The following DLG2 variants were observed in gnomAD, a reference collection of about 807,000 sequenced individuals.
DLG2 encodes the protein discs large MAGUK scaffold protein 2.
A neutral mutation model predicts 132.5 loss-of-function variants in DLG2; 45 were observed. That is an observed-to-expected ratio of 0.34 (90% CI 0.27 to 0.44). DLG2 has a LOEUF of 0.44. Among genes scored for constraint, DLG2 ranks in the 20% least tolerant of loss-of-function variants. The pLI, the probability that DLG2 is intolerant of heterozygous loss-of-function variation, is 1.00. For synonymous variants in DLG2, 424 were observed against 419.6 expected (o/e 1.01, Z -0.13); for missense variants, 1,045 against 1,196.9 (o/e 0.87, Z 1.87).
intron 7 of DLG2, among the ~76,000 whole-genome samples, chr11:84,530,675 A>G (rs1166844647): frequency 6.6e-6 from 1 of 152,204 alleles, no homozygotes; most frequent in Non-Finnish European, 1.5e-5. Context: ...CAGTGCTGGT[A>G]GGAATACCAT....
chr11:83,943,297 T>TCCC (rs1231109959), intron 14 of DLG2, among the ~76,000 whole-genome samples: 1 of 152,238 alleles, frequency 6.6e-6, no homozygotes, highest in Non-Finnish European at 1.5e-5. Context: ...AACTATTTTT[T>TCCC]CTTGTAACTC....
At chr11:85,190,076 G>C (rs574747769) in intron 4 of DLG2, among the ~76,000 whole-genome samples, 1 of 152,288 alleles carries the variant, frequency 6.6e-6, no homozygotes, top group Admixed American at 6.5e-5. Flanking sequence ...CTTCAGAAAT[G>C]AAAGTTTGTT....
intron 3 of DLG2, among the ~76,000 whole-genome samples, chr11:85,522,537 C>T (rs1277037477): frequency 6.6e-6 from 1 of 152,128 alleles, no homozygotes; most frequent in Non-Finnish European, 1.5e-5. Flanking sequence ...TTGCACCCTG[C>T]ATGTGGAAAA....
At chr11:84,976,362 A>C (rs1023610597) in intron 6 of DLG2, among the ~76,000 whole-genome samples, 2 of 152,156 alleles carry the variant, frequency 1.3e-5, no homozygotes, top group Non-Finnish European at 2.9e-5. Context: ...CGACTGTAAG[A>C]CTGAGTATAT....
chr11:84,592,637 C>T (rs1465227566), intron 6 of DLG2, among the ~76,000 whole-genome samples: 1 of 151,638 alleles, frequency 6.6e-6, no homozygotes, highest in Non-Finnish European at 1.5e-5. Context: ...AAGAAATAAC[C>T]CCATCAGAAA....
chr11:84,596,379 CTTT>C (rs1211350827), intron 6 of DLG2, among the ~76,000 whole-genome samples: 4 of 121,762 alleles, frequency 3.3e-5, no homozygotes, highest in African/African-American at 2.9e-5. Context: ...AGATAATTTT[CTTT>C]TTTTTTTTTT....
At chr11:84,840,674 A>C (rs1253775223) in intron 6 of DLG2, among the ~76,000 whole-genome samples, 2 of 152,156 alleles carry the variant, frequency 1.3e-5, no homozygotes, top group Middle Eastern at 3.2e-3. Flanking sequence ...AAAAAGGATG[A>C]GTTTATGTCC....
intron 4 of DLG2, among the ~76,000 whole-genome samples, chr11:85,199,647 AGTTGACCTCT>A (rs1196255238): frequency 6.6e-6 from 1 of 152,236 alleles, no homozygotes; most frequent in Non-Finnish European, 1.5e-5. Context: ...GAAGATGGCT[AGTTGACCTCT>A]CTTTGGAAAG....
intron 6 of DLG2, among the ~76,000 whole-genome samples, chr11:84,748,354 T>C (rs2065661014): frequency 6.6e-6 from 1 of 152,190 alleles, no homozygotes; most frequent in Admixed American, 6.5e-5. Context: ...TAATCACATT[T>C]ATGTTCATTA....
intron 9 of DLG2, among the ~76,000 whole-genome samples, chr11:84,156,677 T>C (rs956137512): frequency 7.2e-5 from 11 of 152,232 alleles, no homozygotes; most frequent in African/African-American, 2.2e-4. Context: ...TTAGTCATTA[T>C]TTCACCTCTG....
At chr11:83,980,745 C>T (rs1377956743) in intron 11 of DLG2, 103 bp from the exon 12 acceptor site, 9 of 1,158,564 alleles carry the variant, frequency 7.8e-6, no homozygotes, top group Middle Eastern at 2.1e-4. Flanking sequence ...AATGAATCCT[C>T]AACTTATTGT....
chr11:83,626,669 T>C (rs1377689078), intron 19 of DLG2, among the ~76,000 whole-genome samples: 27 of 152,136 alleles, frequency 1.8e-4, no homozygotes, highest in Non-Finnish European at 5.9e-5. Flanking sequence ...AGCAGAGGGC[T>C]GGAAAGGGGT....
At position 84,802,354 on chromosome 11, in the gene DLG2, C is replaced by T. The variant is rs1024677822; in HGVS notation, c.358-267623G>A. Among the ~76,000 whole-genome samples the T allele has an allele frequency of 6.6e-5, 10 of 151,924 alleles. No individual in the cohort carries two copies. The East Asian group carries it at 1.7e-3, about 26-fold the overall frequency. ...GGGGAATTAACAAGGAATAATGAAG[C>T]ACTCCGGAACCCAGCAGCAGCAGCA... On this transcript the variant is annotated intron_variant, in intron 6 of 27. Coordinates refer to ENST00000376104, the MANE Select transcript of DLG2 (RefSeq NM_001142699.3).
chr11:85,570,079 T>C (rs1408329595), intron 3 of DLG2, among the ~76,000 whole-genome samples: 23 of 152,148 alleles, frequency 1.5e-4, no homozygotes, highest in Admixed American at 1.5e-3. Flanking sequence ...AACATATTCA[T>C]GTAACAAACC....
At chr11:84,840,790 A>G (rs1372184295) in intron 6 of DLG2, among the ~76,000 whole-genome samples, 2 of 152,086 alleles carry the variant, frequency 1.3e-5, no homozygotes, top group Non-Finnish European at 2.9e-5. Flanking sequence ...GAATTGAACA[A>G]TGAGAACACT....
At chr11:83,525,117 T>G (rs1208516888) in intron 21 of DLG2, among the ~76,000 whole-genome samples, 3 of 152,190 alleles carry the variant, frequency 2.0e-5, no homozygotes, top group Non-Finnish European at 4.4e-5. Context: ...ACAAATAGAC[T>G]ATGAGGAATA....
Position 85,178,782 on chromosome 11 carries a change from A to T in DLG2, c.187-24131T>A, listed in dbSNP as rs539317585. Among the ~76,000 whole-genome samples the T allele has an allele frequency of 2.0e-5, 3 of 152,008 alleles. No individual in the cohort carries two copies. In the East Asian group the frequency reaches 5.8e-4, roughly 29 times the overall value. Reference sequence around the variant, plus strand: ...GACTAAACATATGCAGAAAAATTGGAAGATAGCACAAGAAATCCCCTCAGA... The same window carrying T: ...GACTAAACATATGCAGAAAAATTGGTAGATAGCACAAGAAATCCCCTCAGA... On this transcript the variant is annotated intron_variant, in intron 4 of 27. Coordinates refer to ENST00000376104, the MANE Select transcript of DLG2 (RefSeq NM_001142699.3).
chr11:84,747,494 G>C (rs1417620815), intron 6 of DLG2, among the ~76,000 whole-genome samples: 2 of 152,198 alleles, frequency 1.3e-5, no homozygotes, highest in East Asian at 1.9e-4. Context: ...TAATAAACTA[G>C]ATATGTGATC....
At chr11:85,625,649 C>G (rs910154382) in intron 2 of DLG2, among the ~76,000 whole-genome samples, 1 of 152,174 alleles carries the variant, frequency 6.6e-6, no homozygotes, top group African/African-American at 2.4e-5. Context: ...ACCTGCAATT[C>G]ACCCAGAGCT....
Sources: allele counts gnomAD v4.1 joint callset (sites outside exome capture counted in the v4.1 genomes callset), GRCh38; gene constraint gnomAD v4.1.1; transcripts MANE v1.5; gene names NCBI Gene and HGNC (gene_info 2026-07-23, HGNC 2026-07-21).